SP100: variants seen among roughly 807,000 people sequenced by gnomAD.
SP100 encodes SP100 nuclear body protein, also known as nuclear autoantigen Sp-100.
In SP100, 84 loss-of-function variants were observed where a neutral mutation model predicts 130.0. The observed-to-expected ratio is 0.65, with a 90% CI of 0.54 to 0.77. The LOEUF is 0.77. SP100 is among the 30% of genes least tolerant of loss of function. The pLI is 0.00. For synonymous variants in SP100, 331 were observed against 351.7 expected (o/e 0.94, Z 0.66); for missense variants, 978 against 1,052.2 (o/e 0.93, Z 0.97).
chr2:230,422,775 G>C (rs547053377), intron 2 of SP100, among the ~76,000 whole-genome samples: 2 of 152,128 alleles, frequency 1.3e-5, no homozygotes, highest in African/African-American at 4.8e-5. Context: ...TGCATAGATT[G>C]GTTCTCTAAT....
At chr2:230,425,835 T>C (rs941307098) in intron 2 of SP100, among the ~76,000 whole-genome samples, 3 of 151,938 alleles carry the variant, frequency 2.0e-5, no homozygotes, top group Admixed American at 6.6e-5. Flanking sequence ...GAAGGATTGG[T>C]ATTAGTTTCT....
chr2:230,513,958 G>GA (rs1317239934), intron 24 of SP100, among the ~76,000 whole-genome samples: 1 of 152,076 alleles, frequency 6.6e-6, no homozygotes, highest in Non-Finnish European at 1.5e-5. Context: ...AAACACAATA[G>GA]AAAAAAGAAA....
At chr2:230,445,859 G>A in intron 4 of SP100, among the ~76,000 whole-genome samples, 1 of 152,020 alleles carries the variant, frequency 6.6e-6, no homozygotes, top group East Asian at 1.9e-4. Flanking sequence ...CCTTGTGCTT[G>A]GGTGACCTGC....
chr2:230,471,853 C>G (rs1397297915), intron 15 of SP100, among the ~76,000 whole-genome samples: 2 of 152,076 alleles, frequency 1.3e-5, no homozygotes, highest in African/African-American at 2.4e-5. Context: ...ACAAGGAATT[C>G]AAATATTCCA....
chr2:230,529,279 A>G (rs749459643), intron 24 of SP100, among the ~76,000 whole-genome samples: 5 of 152,244 alleles, frequency 3.3e-5, no homozygotes, highest in African/African-American at 1.2e-4. Context: ...CAACATACGC[A>G]AATCAATAAA....
intron 8 of SP100, among the ~76,000 whole-genome samples, chr2:230,458,246 T>C (rs567572310): frequency 3.9e-4 from 60 of 152,238 alleles, no homozygotes; most frequent in Admixed American, 9.8e-4. Flanking sequence ...ATACGTATTA[T>C]GTGCTGTATT....
Position 230,459,846 on chromosome 2 carries a change from C to T in SP100, c.821-1416C>T, listed in dbSNP as rs191896940. Reference sequence around the variant, plus strand: ...GAATGGACTTTTCCAAAATAGAAACCAGTTGATATGACTTTCCTGTTTGAA... The same window carrying T: ...GAATGGACTTTTCCAAAATAGAAACTAGTTGATATGACTTTCCTGTTTGAA... On this transcript the variant is annotated intron_variant, in intron 8 of 28. Coordinates refer to ENST00000340126, the MANE Select transcript of SP100 (RefSeq NM_001080391.2). 1.4e-4 allele frequency among the ~76,000 whole-genome samples: 22 copies of T among 152,322 alleles called. 1 individual carries two copies. The East Asian group carries it at 3.9e-3, about 27-fold the overall frequency.
chr2:230,494,333 T>C (rs2066546962), intron 17 of SP100, 83 bp from the exon 18 acceptor site: 3 of 1,082,696 alleles, frequency 2.8e-6, no homozygotes, highest in South Asian at 2.7e-5. Context: ...CAAAATTCAA[T>C]GCTTGTAAAC....
At chr2:230,488,416 G>T (rs1055546306) in intron 17 of SP100, among the ~76,000 whole-genome samples, 17 of 151,952 alleles carry the variant, frequency 1.1e-4, no homozygotes, top group Non-Finnish European at 2.1e-4. Flanking sequence ...TGTTGTTTTT[G>T]TTGTTGTTGT....
At chr2:230,495,421 C>T (rs2066615424) in intron 18 of SP100, among the ~76,000 whole-genome samples, 1 of 152,202 alleles carries the variant, frequency 6.6e-6, no homozygotes, top group Non-Finnish European at 1.5e-5. Context: ...CTCCCAGGTT[C>T]AAGCAATTCT....
chr2:230,423,334 T>C (rs192411423), intron 2 of SP100, among the ~76,000 whole-genome samples: 9 of 152,320 alleles, frequency 5.9e-5, no homozygotes, highest in African/African-American at 1.7e-4. Flanking sequence ...CCTTTCCTTC[T>C]CTGAAGATGT....
At position 230,442,924 on chromosome 2, in the gene SP100, C is replaced by T. The variant is rs1488749995; in HGVS notation, c.108-13C>T. 13 of 1,610,486 alleles carry T rather than the reference C, an allele frequency of 8.1e-6. No homozygotes were observed. Among genetic ancestry groups the T allele is most frequent in the Non-Finnish European group, 1.1e-5 (13 of 1,178,418 alleles). ...CTTGATGACCATTTTCACATGGTGT[C>T]CTTTTTCCCTAGGATGTTCACGGAA... is the stretch of plus-strand genomic sequence containing the variant. On this transcript the variant is annotated splice_polypyrimidine_tract_variant and intron_variant, in intron 2 of 28. Transcript: ENST00000340126.
chr2:230,524,389 GA>G (rs909188971), intron 24 of SP100, among the ~76,000 whole-genome samples: 4 of 149,198 alleles, frequency 2.7e-5, no homozygotes, highest in Non-Finnish European at 4.5e-5. Context: ...AAAAGAAAAG[GA>G]AAAAAAACGT....
chr2:230,495,374 G>A (rs943275356), intron 18 of SP100, among the ~76,000 whole-genome samples: 1 of 152,158 alleles, frequency 6.6e-6, no homozygotes, highest in African/African-American at 2.4e-5. Context: ...CCAGGCTGGA[G>A]TACAGTGCTA....
chr2:230,450,360 T>C, intron 8 of SP100, 105 bp downstream of exon 8: 2 of 735,000 alleles, frequency 2.7e-6, no homozygotes, highest in African/African-American at 3.5e-5. Flanking sequence ...AACCACTTTT[T>C]AAAATTACCA....
At chr2:230,420,775 CT>C (rs1407327714) in intron 2 of SP100, among the ~76,000 whole-genome samples, 3 of 151,868 alleles carry the variant, frequency 2.0e-5, no homozygotes, top group Non-Finnish European at 4.4e-5. Context: ...TCAATAAGAC[CT>C]TTAAAAACAC....
At chr2:230,466,503 C>A in intron 12 of SP100, 149 bp downstream of exon 12, 1 of 587,632 alleles carries the variant, frequency 1.7e-6, no homozygotes, top group Non-Finnish European at 3.0e-6. Context: ...TCAATGGTTC[C>A]TATTTTAGCC....
chr2:230,522,326 C>A (rs10084296), intron 24 of SP100, among the ~76,000 whole-genome samples: 67,690 of 151,714 alleles, frequency 0.45, 15,504 homozygotes, highest in South Asian at 0.56. Flanking sequence ...TACTGTTTAG[C>A]CCCAATATTC....
intron 17 of SP100, among the ~76,000 whole-genome samples, chr2:230,490,480 G>A (rs547809895): frequency 2.5e-4 from 38 of 152,238 alleles, no homozygotes; most frequent in African/African-American, 9.1e-4. Flanking sequence ...GGGGCATTTA[G>A]CCCATTTACA....
Sources: allele counts gnomAD v4.1 joint callset (sites outside exome capture counted in the v4.1 genomes callset), GRCh38; gene constraint gnomAD v4.1.1; transcripts MANE v1.5; gene names NCBI Gene and HGNC (gene_info 2026-07-23, HGNC 2026-07-21).